Variants in KCTD3 observed in about 807,000 individuals in gnomAD.
The protein encoded by KCTD3 is BTB/POZ domain-containing protein KCTD3.
Under a neutral mutation model 85.8 loss-of-function variants are expected in KCTD3, and 41 were observed. The observed-to-expected ratio is 0.48, with a 90% CI of 0.37 to 0.62. The LOEUF is 0.62. Ranked by LOEUF, KCTD3 falls within the 20% of genes least tolerant of loss-of-function variation. The probability of loss-of-function intolerance (pLI) is 0.00; values close to 1 mark genes in which losing one functional copy is unlikely to be tolerated. For missense variants in KCTD3, 724 were observed against 989.9 expected (o/e 0.73, Z 3.60); for synonymous variants, 338 against 345.4 (o/e 0.98, Z 0.24).
intron 10 of KCTD3, 59 bp downstream of exon 10, chr1:215,595,530 A>ATT: frequency 9.4e-6 from 9 of 956,902 alleles, no homozygotes; most frequent in South Asian, 1.6e-5. Flanking sequence ...CTGATTATGT[A>ATT]TTTTTTTTTT....
intron 14 of KCTD3, among the ~76,000 whole-genome samples, chr1:215,609,537 T>C (rs577903792): frequency 6.6e-6 from 1 of 151,996 alleles, no homozygotes; most frequent in Non-Finnish European, 1.5e-5. Context: ...ACTAGATTTG[T>C]GATATATATA....
intron 1 of KCTD3, among the ~76,000 whole-genome samples, chr1:215,572,947 G>A (rs964994393): frequency 3.3e-5 from 5 of 152,206 alleles, no homozygotes; most frequent in Non-Finnish European, 7.3e-5. Flanking sequence ...AATACTCAGA[G>A]AAGGGCTGGA....
intron 10 of KCTD3, among the ~76,000 whole-genome samples, chr1:215,598,837 G>A (rs1477927110): frequency 2.0e-5 from 3 of 152,110 alleles, no homozygotes; most frequent in Non-Finnish European, 4.4e-5. Context: ...GAAGGAAAAA[G>A]TGAGAAAGCA....
chr1:215,598,869 A>G (rs944538856), intron 10 of KCTD3, among the ~76,000 whole-genome samples: 9 of 152,206 alleles, frequency 5.9e-5, no homozygotes, highest in Non-Finnish European at 1.3e-4. Context: ...AACAGACTAG[A>G]GGAGCCATAT....
chr1:215,600,177 G>T (rs1481919974), intron 10 of KCTD3, among the ~76,000 whole-genome samples: 1 of 152,188 alleles, frequency 6.6e-6, no homozygotes, highest in Non-Finnish European at 1.5e-5. Flanking sequence ...CCTGACCTCA[G>T]GATAGGGCAT....
At chr1:215,611,527 A>G (rs1419736715) in intron 14 of KCTD3, among the ~76,000 whole-genome samples, 1 of 152,032 alleles carries the variant, frequency 6.6e-6, no homozygotes, top group East Asian at 1.9e-4. Context: ...ATATCTTAAC[A>G]GGTCTCCTGC....
chr1:215,572,129 C>G (rs1659393406), intron 1 of KCTD3, among the ~76,000 whole-genome samples: 1 of 152,154 alleles, frequency 6.6e-6, no homozygotes, highest in Non-Finnish European at 1.5e-5. Context: ...TGAAAGTGCT[C>G]TGTTGTAACC....
chr1:215,611,721 C>T (rs1004609685), intron 14 of KCTD3, 104 bp from the exon 15 acceptor site: 10 of 674,992 alleles, frequency 1.5e-5, no homozygotes, highest in Middle Eastern at 3.9e-4. Flanking sequence ...CATATTGGTA[C>T]GTATAAGAAA....
chr1:215,608,009 T>C lies in KCTD3; in HGVS notation c.1310-8T>C, dbSNP rs1386944201. 1.9e-6 allele frequency: 3 copies of C among 1,578,324 alleles called. No homozygotes were observed. The highest frequency in any genetic ancestry group is 1.7e-6 in the Non-Finnish European group (2 of 1,169,328). ...TTTGTATTCTTTTGTGTTCTCTTTC[T>C]CTGCTAGTCTGTGCAGATAATAATC... On this transcript the variant is annotated splice_region_variant and splice_polypyrimidine_tract_variant and intron_variant, in intron 13 of 17. Coordinates refer to ENST00000259154, the MANE Select transcript of KCTD3 (RefSeq NM_016121.5).
chr1:215,605,073 G>T (rs921339543), intron 13 of KCTD3, among the ~76,000 whole-genome samples: 4 of 152,146 alleles, frequency 2.6e-5, no homozygotes, highest in African/African-American at 9.7e-5. Context: ...AAATTGCATT[G>T]TGAGTTGGGT....
chr1:215,608,956 G>T (rs1311609254), intron 14 of KCTD3, among the ~76,000 whole-genome samples: 1 of 151,866 alleles, frequency 6.6e-6, no homozygotes. Context: ...AATATTTATC[G>T]AGTACTTGTG....
intron 9 of KCTD3, among the ~76,000 whole-genome samples, chr1:215,591,099 A>G (rs1272403405): frequency 6.6e-6 from 1 of 152,118 alleles, no homozygotes; most frequent in Non-Finnish European, 1.5e-5. Flanking sequence ...AATCTTATTT[A>G]ACTGAATGCC....
intron 15 of KCTD3, among the ~76,000 whole-genome samples, chr1:215,612,214 A>T (rs1655259410): frequency 6.6e-6 from 1 of 152,324 alleles, no homozygotes; most frequent in Middle Eastern, 3.4e-3. Flanking sequence ...TTTTGTTATT[A>T]TAAACAGTTT....
chr1:215,608,996 G>A (rs1482465461), intron 14 of KCTD3, among the ~76,000 whole-genome samples: 5 of 151,844 alleles, frequency 3.3e-5, no homozygotes, highest in South Asian at 2.1e-4. Context: ...TAAAAAGTGC[G>A]GTGAACATCA....
At chr1:215,580,866 A>G in intron 8 of KCTD3, 1 of 352,656 alleles carries the variant, frequency 2.8e-6, no homozygotes, top group South Asian at 2.1e-5. Flanking sequence ...TAAAAATCTG[A>G]ATTTATGAAA....
intron 13 of KCTD3, among the ~76,000 whole-genome samples, chr1:215,606,656 T>C (rs911271579): frequency 3.3e-5 from 5 of 152,046 alleles, no homozygotes; most frequent in African/African-American, 1.2e-4. Context: ...AAACTTGCAT[T>C]TTAACATCAG....
chr1:215,585,290 A>C (rs1571879346), intron 8 of KCTD3, among the ~76,000 whole-genome samples: 1 of 152,324 alleles, frequency 6.6e-6, no homozygotes, highest in East Asian at 1.9e-4. Flanking sequence ...GTGGTTACAA[A>C]TTACACAATG....
chr1:215,620,451 G>T lies in KCTD3; in HGVS notation c.2281G>T (p.Gly761Trp). The T allele has an allele frequency of 1.2e-6, 2 of 1,613,752 alleles. No individual in the cohort carries two copies. The highest frequency in any genetic ancestry group is 1.3e-5 in the African/African-American group (1 of 75,010). ...IEFRKKGGFE[G>W]GGFLGRKKVP... Reference sequence around the variant, plus strand: ...GTTTAGGAAGAAAGGAGGATTTGAAGGGGGAGGATTCCTTGGAAGAAAGAA... The same window carrying T: ...GTTTAGGAAGAAAGGAGGATTTGAATGGGGAGGATTCCTTGGAAGAAAGAA... Residue 761 changes from glycine (G) to tryptophan (W), a missense_variant, in exon 18 of 18, where the codon GGG becomes TGG. Transcript: ENST00000259154.
intron 1 of KCTD3, among the ~76,000 whole-genome samples, chr1:215,570,376 C>A (rs190925629): frequency 1.6e-3 from 249 of 152,024 alleles, no homozygotes; most frequent in African/African-American, 5.8e-3. Flanking sequence ...TGTTAGTATT[C>A]GTTATTTACA....
Sources: gnomAD v4.1 joint callset for allele counts (sites outside exome capture counted in the v4.1 genomes callset) on GRCh38, gnomAD v4.1.1 for gene constraint, MANE v1.5 for transcripts, NCBI Gene and HGNC (gene_info 2026-07-23, HGNC 2026-07-21) for gene names.